Variants in FOXP1 observed in about 807,000 individuals in gnomAD.
FOXP1 encodes forkhead box P1, also known as forkhead box protein P1.
FOXP1 carries 15 observed loss-of-function variants against 98.2 expected under a neutral mutation model. The ratio of observed to expected loss-of-function variants is 0.15; its 90% CI spans 0.10 to 0.24. FOXP1 has a LOEUF of 0.24. Among genes scored for constraint, FOXP1 ranks in the 10% least tolerant of loss-of-function variants. The pLI is 1.00. For synonymous variants in FOXP1, 371 were observed against 314.5 expected (o/e 1.18, Z -1.90); for missense variants, 633 against 848.5 (o/e 0.75, Z 3.15).
At chr3:71,356,044 C>T (rs899818376) in intron 4 of FOXP1, among the ~76,000 whole-genome samples, 1 of 151,892 alleles carries the variant, frequency 6.6e-6, no homozygotes, top group Non-Finnish European at 1.5e-5. Flanking sequence ...ACCTGCTTTG[C>T]CGAGTCAGCA....
intron 6 of FOXP1, among the ~76,000 whole-genome samples, chr3:71,178,138 C>CTT (rs566282356): frequency 1.3e-4 from 15 of 111,908 alleles, no homozygotes; most frequent in Admixed American, 7.1e-4. Flanking sequence ...CCCAGTCAGT[C>CTT]TTTTTTTTTT....
intron 5 of FOXP1, among the ~76,000 whole-genome samples, chr3:71,256,671 C>T (rs1347098510): frequency 5.3e-5 from 8 of 152,106 alleles, no homozygotes; most frequent in African/African-American, 7.2e-5. Flanking sequence ...CGTGAGCCAC[C>T]GCGCCCGGCC....
At chr3:70,970,063 A>G (rs1166900639) in intron 19 of FOXP1, 2 of 152,364 alleles carry the variant, frequency 1.3e-5, no homozygotes, top group Non-Finnish European at 2.9e-5. Flanking sequence ...TTTGGGTGGT[A>G]ATCTCGCTCC....
intron 5 of FOXP1, among the ~76,000 whole-genome samples, chr3:71,220,656 G>C (rs910193234): frequency 1.3e-5 from 2 of 152,088 alleles, no homozygotes; most frequent in Admixed American, 1.3e-4. Context: ...GGGAGGCTGA[G>C]GTGGGAGGAT....
intron 3 of FOXP1, among the ~76,000 whole-genome samples, chr3:71,475,959 T>C (rs1016642638): frequency 6.7e-6 from 1 of 150,188 alleles, no homozygotes; most frequent in Non-Finnish European, 1.5e-5. Flanking sequence ...TATTCTATGA[T>C]TTGGGGATAC....
At chr3:71,149,209 G>T (rs2060457838) in intron 6 of FOXP1, among the ~76,000 whole-genome samples, 1 of 152,186 alleles carries the variant, frequency 6.6e-6, no homozygotes, top group Non-Finnish European at 1.5e-5. Flanking sequence ...AGGCAGAAGG[G>T]TTGCCTGTCT....
rs202170087 is a variant in FOXP1 at position 71,123,031 on chromosome 3, C to CT, written c.181-10395dup. 3.8e-3 allele frequency among the ~76,000 whole-genome samples: 577 copies of CT among 152,200 alleles called. 9 individuals are homozygous for CT. Among genetic ancestry groups the CT allele is most frequent in the African/African-American group, 0.012 (487 of 41,526 alleles). On this transcript the variant is annotated intron_variant, in intron 6 of 20. Transcript: ENST00000649528. ...TTCTTTTCCCCACACAAAAGACTTG[C>CT]TTTTTTTCAACCAGACCTTTCCATG...
intron 7 of FOXP1, chr3:71,065,815 C>G (rs1277737108): frequency 6.6e-6 from 1 of 152,164 alleles, no homozygotes; most frequent in African/African-American, 2.4e-5. Context: ...CTCTTTCAGG[C>G]TATTGAAAGC....
intron 3 of FOXP1, among the ~76,000 whole-genome samples, chr3:71,381,232 G>T (rs1483020103): frequency 6.7e-6 from 1 of 149,124 alleles, no homozygotes; most frequent in Non-Finnish European, 1.5e-5. Flanking sequence ...CTCACTGCAA[G>T]CTCCGCCTCC....
intron 3 of FOXP1, among the ~76,000 whole-genome samples, chr3:71,492,916 A>G (rs186546390): frequency 6.6e-6 from 1 of 152,314 alleles, no homozygotes; most frequent in Non-Finnish European, 1.5e-5. Context: ...GTAAATTATG[A>G]TACAAAAAAA....
At chr3:71,555,707 C>G (rs2046076315) in intron 2 of FOXP1, among the ~76,000 whole-genome samples, 2 of 152,126 alleles carry the variant, frequency 1.3e-5, no homozygotes, top group Admixed American at 1.3e-4. Context: ...AATATTGCTT[C>G]TCAGTGAAAC....
chr3:71,009,916 A>ATTTTTTTTT (rs200610453), intron 12 of FOXP1, among the ~76,000 whole-genome samples: 28 of 133,026 alleles, frequency 2.1e-4, no homozygotes, highest in African/African-American at 6.5e-4. Context: ...ACCCAGCTGA[A>ATTTTTTTTT]TTTTTTTTTT....
intron 8 of FOXP1, among the ~76,000 whole-genome samples, chr3:71,053,299 C>T (rs191021916): frequency 2.0e-5 from 3 of 152,304 alleles, no homozygotes; most frequent in African/African-American, 7.2e-5. Flanking sequence ...ATTTAAACCA[C>T]TCCCAACGTG....
chr3:71,187,791 T>A (rs1395578015), intron 6 of FOXP1, among the ~76,000 whole-genome samples: 1 of 152,090 alleles, frequency 6.6e-6, no homozygotes, highest in African/African-American at 2.4e-5. Flanking sequence ...AATGGAAATA[T>A]CATCCATAGG....
chr3:70,963,171 T>C (rs879506395), intron 20 of FOXP1, among the ~76,000 whole-genome samples: 1 of 152,244 alleles, frequency 6.6e-6, no homozygotes, highest in African/African-American at 2.4e-5. Context: ...CTGTCATGCC[T>C]GTAGGCTCGA....
At chr3:71,353,128 C>T (rs1172822067) in intron 4 of FOXP1, among the ~76,000 whole-genome samples, 1 of 152,176 alleles carries the variant, frequency 6.6e-6, no homozygotes, top group African/African-American at 2.4e-5. Context: ...AGCATCTTAG[C>T]CAGAGTCACC....
chr3:71,026,899 A>G (rs1327604853), intron 11 of FOXP1, among the ~76,000 whole-genome samples: 1 of 152,212 alleles, frequency 6.6e-6, no homozygotes, highest in African/African-American at 2.4e-5. Flanking sequence ...CAAGCACAAA[A>G]TGCCTGTATT....
At chr3:71,305,942 T>C (rs1433864100) in intron 4 of FOXP1, 1 of 152,594 alleles carries the variant, frequency 6.6e-6, no homozygotes, top group African/African-American at 2.4e-5. Flanking sequence ...CGGAAGAAAG[T>C]TGAGAGTTTG....
At chr3:71,015,912 T>C (rs565034510) in intron 11 of FOXP1, among the ~76,000 whole-genome samples, 1 of 152,348 alleles carries the variant, frequency 6.6e-6, no homozygotes, top group South Asian at 2.1e-4. Context: ...AGGCTTTTGT[T>C]AGATGCAAAG....
Sources: gnomAD v4.1 joint callset for allele counts (sites outside exome capture counted in the v4.1 genomes callset) on GRCh38, gnomAD v4.1.1 for gene constraint, MANE v1.5 for transcripts, NCBI Gene and HGNC (gene_info 2026-07-23, HGNC 2026-07-21) for gene names.